Variants in NCKAP5 observed in about 807,000 individuals in gnomAD.
The protein encoded by NCKAP5 is NCK associated protein 5, also known as nck-associated protein 5.
NCKAP5 carries 92 observed loss-of-function variants against 167.0 expected under a neutral mutation model. The observed-to-expected ratio is 0.55, with a 90% CI of 0.47 to 0.66. NCKAP5 has a LOEUF of 0.66. NCKAP5 is among the 30% of genes least tolerant of loss of function. NCKAP5 has a pLI of 0.00. For synonymous variants in NCKAP5, 891 were observed against 877.4 expected, an observed-to-expected ratio of 1.02 and a Z score of -0.27; for missense variants, 2,378 against 2,315.0, an observed-to-expected ratio of 1.03 and a Z score of -0.56.
chr2:132,835,875 G>A (rs1312177102), intron 11 of NCKAP5, among the ~76,000 whole-genome samples: 3 of 152,064 alleles, frequency 2.0e-5, no homozygotes, highest in African/African-American at 4.8e-5. Flanking sequence ...TCTACCCCCA[G>A]GCTTCTCCCT....
intron 3 of NCKAP5, among the ~76,000 whole-genome samples, chr2:133,444,409 T>TAGATAG (rs1190357351): frequency 2.2e-5 from 3 of 138,688 alleles, no homozygotes; most frequent in African/African-American, 9.0e-5. Flanking sequence ...GATAGATAGA[T>TAGATAG]ATAGATATAG....
intron 11 of NCKAP5, among the ~76,000 whole-genome samples, chr2:132,817,228 A>G (rs1686343309): frequency 6.6e-6 from 1 of 152,150 alleles, no homozygotes; most frequent in Non-Finnish European, 1.5e-5. Flanking sequence ...GAATCATCTG[A>G]AGGAATCAGG....
At chr2:133,029,902 A>G (rs918850679) in intron 6 of NCKAP5, among the ~76,000 whole-genome samples, 2 of 152,192 alleles carry the variant, frequency 1.3e-5, no homozygotes, top group African/African-American at 4.8e-5. Flanking sequence ...AATGTTTACA[A>G]GGATTTTTCT....
At chr2:133,651,709 T>G in the NCKAP5 span, among the ~76,000 whole-genome samples, 10 of 152,224 alleles carry the variant, frequency 6.6e-5, no homozygotes, top group South Asian at 2.1e-4. Flanking sequence ...ATTAGCAGTC[T>G]CATGTGTATT....
the NCKAP5 span, among the ~76,000 whole-genome samples, chr2:133,630,403 C>T: frequency 1.4e-4 from 22 of 152,074 alleles, no homozygotes; most frequent in African/African-American, 4.1e-4. Context: ...GATGGTTACA[C>T]GTATCTGTGA....
chr2:133,210,339 C>G (rs1187683938), intron 5 of NCKAP5, among the ~76,000 whole-genome samples: 1 of 151,676 alleles, frequency 6.6e-6, no homozygotes, highest in Non-Finnish European at 1.5e-5. Flanking sequence ...TTGATTATAA[C>G]AGGTTTGTTG....
At chr2:133,443,268 G>C (rs79926232) in intron 3 of NCKAP5, among the ~76,000 whole-genome samples, 5,031 of 152,302 alleles carry the variant, frequency 0.033, 124 homozygotes, top group Admixed American at 0.08. Flanking sequence ...CTAGGGAAGA[G>C]CTAGTCCTGC....
intron 11 of NCKAP5, among the ~76,000 whole-genome samples, chr2:132,858,183 C>T (rs1000176314): frequency 3.9e-5 from 6 of 152,134 alleles, no homozygotes; most frequent in Non-Finnish European, 7.3e-5. Flanking sequence ...TGGGCAGCAG[C>T]TATAGGGTCA....
chr2:132,709,384 C>A (rs1250829871), intron 19 of NCKAP5, among the ~76,000 whole-genome samples: 1 of 151,692 alleles, frequency 6.6e-6, no homozygotes, highest in Non-Finnish European at 1.5e-5. Flanking sequence ...GGTAGAGGGG[C>A]ACGATACAAT....
rs186999404 is a variant in NCKAP5 at position 133,213,957 on chromosome 2, T to C, written c.144-178A>G. Among the ~76,000 whole-genome samples the C allele has an allele frequency of 7.9e-4, 120 of 152,336 alleles. 1 individual carries two copies. Among genetic ancestry groups the C allele is most frequent in the African/African-American group, 2.7e-3 (112 of 41,572 alleles). Reference sequence around the variant, plus strand: ...ATTGGTCATGAATGCATTGTTTTCATTGAGTGTCATGAAATTTGCCATAGA... The same window carrying C: ...ATTGGTCATGAATGCATTGTTTTCACTGAGTGTCATGAAATTTGCCATAGA... On this transcript the variant is annotated intron_variant, in intron 4 of 19. Coordinates refer to ENST00000409261, the MANE Select transcript of NCKAP5 (RefSeq NM_207363.3).
At chr2:133,152,415 A>G (rs962085307) in intron 5 of NCKAP5, among the ~76,000 whole-genome samples, 2 of 152,186 alleles carry the variant, frequency 1.3e-5, no homozygotes, top group African/African-American at 4.8e-5. Flanking sequence ...GCCTTAAGTT[A>G]CTTTACTCCT....
chr2:133,143,342 C>T (rs569749309), intron 5 of NCKAP5, among the ~76,000 whole-genome samples: 6 of 152,272 alleles, frequency 3.9e-5, no homozygotes, highest in African/African-American at 1.4e-4. Context: ...AGAGGCTCTC[C>T]ACCTCTTAGG....
intron 6 of NCKAP5, among the ~76,000 whole-genome samples, chr2:133,056,842 A>T (rs2079820538): frequency 6.6e-6 from 1 of 152,216 alleles, no homozygotes; most frequent in South Asian, 2.1e-4. Context: ...AAGTTGAAGC[A>T]CGCAACCATG....
At chr2:132,981,189 A>AAT (rs1273234055) in intron 7 of NCKAP5, among the ~76,000 whole-genome samples, 1 of 152,212 alleles carries the variant, frequency 6.6e-6, no homozygotes, top group Non-Finnish European at 1.5e-5. Context: ...AATCATCATG[A>AAT]ATGAGATTCT....
intron 2 of NCKAP5, among the ~76,000 whole-genome samples, chr2:133,540,278 A>T (rs1686119032): frequency 6.6e-6 from 1 of 152,224 alleles, no homozygotes; most frequent in South Asian, 2.1e-4. Context: ...AACACATATG[A>T]GAGATGTTTT....
At chr2:132,988,076 C>T (rs1314714035) in intron 7 of NCKAP5, among the ~76,000 whole-genome samples, 1 of 152,124 alleles carries the variant, frequency 6.6e-6, no homozygotes, top group Non-Finnish European at 1.5e-5. Flanking sequence ...TCATGTAGTC[C>T]AGGCCTTATA....
chr2:133,227,926 A>G (rs1214505177), intron 4 of NCKAP5, among the ~76,000 whole-genome samples: 1 of 152,244 alleles, frequency 6.6e-6, no homozygotes, highest in Non-Finnish European at 1.5e-5. Context: ...CTCTAGGAGA[A>G]GCAAGAGCTG....
At chr2:133,417,198 C>T (rs1346931897) in intron 3 of NCKAP5, among the ~76,000 whole-genome samples, 1 of 151,472 alleles carries the variant, frequency 6.6e-6, no homozygotes, top group East Asian at 1.9e-4. Context: ...CCATTTGACT[C>T]ATTTGGCTAT....
intron 6 of NCKAP5, among the ~76,000 whole-genome samples, chr2:133,060,139 A>C (rs1451086487): frequency 6.6e-6 from 1 of 152,246 alleles, no homozygotes; most frequent in Non-Finnish European, 1.5e-5. Context: ...TGGGACTAGG[A>C]AAATCATCTC....
Sources: gnomAD v4.1 joint callset for allele counts (sites outside exome capture counted in the v4.1 genomes callset) on GRCh38, gnomAD v4.1.1 for gene constraint, MANE v1.5 for transcripts, NCBI Gene and HGNC (gene_info 2026-07-23, HGNC 2026-07-21) for gene names.